Variants in DGKH observed in about 807,000 individuals in gnomAD.
DGKH encodes DAG kinase eta.
A neutral mutation model predicts 159.3 loss-of-function variants in DGKH; 90 were observed. The observed-to-expected ratio is 0.57, with a 90% confidence interval of 0.48 to 0.67. DGKH has a LOEUF of 0.67. Ranked by LOEUF, DGKH falls within the 30% of genes least tolerant of loss-of-function variation. The pLI is 0.00. For synonymous variants in DGKH, 536 were observed against 553.8 expected, an observed-to-expected ratio of 0.97 and a Z score of 0.45; for missense variants, 1,181 against 1,506.1, an observed-to-expected ratio of 0.78 and a Z score of 3.57.
At chr13:42,056,749 T>C (rs1452861399) in intron 1 of DGKH, among the ~76,000 whole-genome samples, 1 of 152,194 alleles carries the variant, frequency 6.6e-6, no homozygotes, top group Non-Finnish European at 1.5e-5. Flanking sequence ...ATCTACAGCA[T>C]GCAATCATGT....
chr13:42,219,551 C>A, intron 27 of DGKH, 135 bp from the exon 28 acceptor site: 1 of 1,197,358 alleles, frequency 8.4e-7, no homozygotes, highest in African/African-American at 1.5e-5. Flanking sequence ...ACATTGTGAA[C>A]TTTTTTTGAA....
intron 13 of DGKH, chr13:42,181,736 T>C (rs1230274040): frequency 3.9e-6 from 3 of 772,680 alleles, no homozygotes; most frequent in East Asian, 1.3e-4. Context: ...CCACGCCAGC[T>C]GCAGTGGTTG....
intron 13 of DGKH, among the ~76,000 whole-genome samples, chr13:42,183,077 C>T (rs34445998): frequency 0.12 from 17,937 of 152,010 alleles, 1,554 homozygotes; most frequent in East Asian, 0.41. Context: ...TTACTTGAGC[C>T]CAGGAGTTCA....
intron 3 of DGKH, among the ~76,000 whole-genome samples, chr13:42,150,261 T>TA (rs1213288929): frequency 1.3e-5 from 2 of 152,198 alleles, no homozygotes; most frequent in African/African-American, 4.8e-5. Context: ...TTTGAAATCT[T>TA]AGAGTTCCAT....
Position 42,240,460 on chromosome 13 carries a change from C to T in DGKH, c.*11272C>T, listed in dbSNP as rs964488113. On this transcript the variant is annotated 3_prime_UTR_variant, in exon 30 of 30. Transcript: ENST00000337343. ...TAATTCTTAAATATGCCCTAAAGATCATCTTTCTCTTTTATAGACATTTAG... is the reference window on the plus strand; with the variant it reads ...TAATTCTTAAATATGCCCTAAAGATTATCTTTCTCTTTTATAGACATTTAG... The T allele has an allele frequency of 6.6e-6, 1 of 152,192 alleles. No individual in the cohort carries two copies. The highest frequency in any genetic ancestry group is 2.4e-5 in the African/African-American group (1 of 41,448). 9.4% of individuals were successfully genotyped at this position (152,192 alleles called of 1,614,324 possible). A position where few individuals can be genotyped will look rare whatever the true frequency, so the allele number is the denominator to read the frequency against.
rs911966751 is a variant in DGKH at position 42,232,626 on chromosome 13, C to G, written c.*3438C>G. 2 of 152,176 alleles carry G rather than the reference C, an allele frequency of 1.3e-5. No homozygotes were observed. Among genetic ancestry groups the G allele is most frequent in the South Asian group, 2.1e-4 (1 of 4,826 alleles). The allele number at this position is 152,176 out of a possible 1,614,324, so 9.4% of individuals were successfully genotyped here. A position where few individuals can be genotyped will look rare whatever the true frequency, so the allele number is the denominator to read the frequency against. The stretch of plus-strand genomic sequence containing the variant: ...TAAGCATACATGGTGGGTCATTTAA[C>G]TAAGTGTTAGGAAGAAAACAATTTA... On this transcript the variant is annotated 3_prime_UTR_variant, in exon 30 of 30. Coordinates refer to ENST00000337343, the MANE Select transcript of DGKH (RefSeq NM_178009.5).
intron 1 of DGKH, among the ~76,000 whole-genome samples, chr13:42,057,958 G>A (rs1293925005): frequency 6.6e-6 from 1 of 152,172 alleles, no homozygotes; most frequent in African/African-American, 2.4e-5. Context: ...AGGGGGTTGG[G>A]GGGAACCAAG....
Position 42,229,199 on chromosome 13 carries a change from G to A in DGKH, c.*11G>A. 1 of 1,604,238 alleles carries A rather than the reference G, an allele frequency of 6.2e-7. No homozygotes were observed. Among genetic ancestry groups the A allele is most frequent in the Non-Finnish European group, 8.5e-7 (1 of 1,176,822 alleles). ...CAGTCGGAGGTGTAATCATATTGGT[G>A]CTATTTCTTGGAAGAGAAGTTATTG... On this transcript the variant is annotated 3_prime_UTR_variant, in exon 30 of 30. Transcript: ENST00000337343.
At chr13:42,163,177 A>G (rs1364907927) in intron 7 of DGKH, among the ~76,000 whole-genome samples, 1 of 151,336 alleles carries the variant, frequency 6.6e-6, no homozygotes, top group Non-Finnish European at 1.5e-5. Flanking sequence ...CCATGTCCCT[A>G]CAAAGGACAT....
At chr13:42,108,822 G>A (rs1271722679) in intron 1 of DGKH, among the ~76,000 whole-genome samples, 1 of 151,690 alleles carries the variant, frequency 6.6e-6, no homozygotes, top group African/African-American at 2.4e-5. Context: ...AAAGGAGGGA[G>A]TGGAAGCTAT....
At chr13:42,173,309 C>T (rs959224786) in intron 11 of DGKH, among the ~76,000 whole-genome samples, 1 of 152,138 alleles carries the variant, frequency 6.6e-6, no homozygotes, top group African/African-American at 2.4e-5. Flanking sequence ...AATGTCCTGG[C>T]CCAACTCTTC....
intron 3 of DGKH, among the ~76,000 whole-genome samples, chr13:42,134,106 GA>G (rs1475052923): frequency 1.3e-5 from 2 of 152,182 alleles, no homozygotes; most frequent in African/African-American, 2.4e-5. Context: ...ACGGTAAATG[GA>G]AAATGGAAAA....
chr13:42,249,438 A>G (rs970930294), intron 29 of DGKH, among the ~76,000 whole-genome samples: 10 of 151,660 alleles, frequency 6.6e-5, no homozygotes, highest in African/African-American at 2.4e-4. Flanking sequence ...AAACAAAAAT[A>G]CTGATTGTAA....
At chr13:42,081,330 A>G (rs1166302190) in intron 1 of DGKH, among the ~76,000 whole-genome samples, 1 of 151,932 alleles carries the variant, frequency 6.6e-6, no homozygotes, top group African/African-American at 2.4e-5. Context: ...CCTGGGTTCA[A>G]GCGATTCTCC....
At chr13:42,245,241 T>G (rs1290463728), downstream of DGKH, among the ~76,000 whole-genome samples, 1 of 152,134 alleles carries the variant, frequency 6.6e-6, no homozygotes, top group East Asian at 1.9e-4. Context: ...GATAGAGAGA[T>G]TCAAACAGAG....
At chr13:42,064,590 T>G (rs914489600) in intron 1 of DGKH, among the ~76,000 whole-genome samples, 4 of 152,002 alleles carry the variant, frequency 2.6e-5, no homozygotes, top group Non-Finnish European at 5.9e-5. Flanking sequence ...ACTGAGCAGC[T>G]GAGGTAGGAA....
chr13:42,185,255 G>A (rs1208182246), intron 13 of DGKH, among the ~76,000 whole-genome samples: 1 of 152,140 alleles, frequency 6.6e-6, no homozygotes, highest in East Asian at 1.9e-4. Flanking sequence ...TTTAGCATAT[G>A]GAACTTAATG....
intron 1 of DGKH, among the ~76,000 whole-genome samples, chr13:42,072,810 TC>T (rs1179367841): frequency 6.6e-6 from 1 of 152,254 alleles, no homozygotes; most frequent in Non-Finnish European, 1.5e-5. Flanking sequence ...GGTCACCTTC[TC>T]AGGGCGACCT....
intron 1 of DGKH, among the ~76,000 whole-genome samples, chr13:42,108,436 C>T (rs753941498): frequency 1.1e-4 from 17 of 152,192 alleles, no homozygotes; most frequent in South Asian, 2.1e-4. Context: ...AGAATTGCCA[C>T]GGGAAGGTGC....
Sources: allele counts gnomAD v4.1 joint callset (sites outside exome capture counted in the v4.1 genomes callset), GRCh38; gene constraint gnomAD v4.1.1; transcripts MANE v1.5; gene names NCBI Gene and HGNC (gene_info 2026-07-23, HGNC 2026-07-21).